Variants in RAPGEF2 observed in about 807,000 individuals in gnomAD.
RAPGEF2 encodes Rap guanine nucleotide exchange factor 2.
RAPGEF2 carries 54 observed loss-of-function variants against 186.7 expected under a neutral mutation model. The observed-to-expected ratio is 0.29, with a 90% confidence interval of 0.23 to 0.36. RAPGEF2 has a LOEUF of 0.36. Among genes scored for constraint, RAPGEF2 ranks in the 10% least tolerant of loss-of-function variants. The pLI, the probability that RAPGEF2 is intolerant of heterozygous loss-of-function variation, is 1.00. For synonymous variants in RAPGEF2, 712 were observed against 705.9 expected (o/e 1.01, Z -0.14); for missense variants, 1,532 against 2,045.0 (o/e 0.75, Z 4.84).
chr4:159,338,253 G>A (rs959886904), intron 17 of RAPGEF2, 58 bp from the exon 18 acceptor site: 1 of 1,483,954 alleles, frequency 6.7e-7, no homozygotes, highest in Non-Finnish European at 9.2e-7. Context: ...TTATTATATA[G>A]TGATGATGTA....
intron 4 of RAPGEF2, among the ~76,000 whole-genome samples, chr4:159,215,865 G>A (rs537968262): frequency 6.6e-6 from 1 of 152,244 alleles, no homozygotes; most frequent in African/African-American, 2.4e-5. Flanking sequence ...GCTGGAAACC[G>A]GAGAGATTAG....
At chr4:159,231,056 T>C (rs1408368296) in intron 4 of RAPGEF2, among the ~76,000 whole-genome samples, 1 of 152,138 alleles carries the variant, frequency 6.6e-6, no homozygotes, top group East Asian at 1.9e-4. Context: ...ACATATACAG[T>C]GGTCATCCCA....
intron 7 of RAPGEF2, among the ~76,000 whole-genome samples, chr4:159,294,663 C>T (rs867918708): frequency 6.6e-6 from 1 of 150,416 alleles, no homozygotes; most frequent in African/African-American, 2.5e-5. Flanking sequence ...TCCTTCCTTC[C>T]TTCCTTCCTT....
intron 8 of RAPGEF2, among the ~76,000 whole-genome samples, chr4:159,307,008 T>A (rs1579865643): frequency 6.6e-6 from 1 of 152,304 alleles, no homozygotes; most frequent in East Asian, 1.9e-4. Context: ...AATGTGCAAA[T>A]TTAGGAAAAG....
At chr4:159,332,389 T>C in intron 16 of RAPGEF2, 62 bp from the exon 17 acceptor site, 1 of 1,516,216 alleles carries the variant, frequency 6.6e-7, no homozygotes, top group African/African-American at 1.4e-5. Flanking sequence ...ACAATTGCCT[T>C]AGAATTGTTC....
intron 7 of RAPGEF2, among the ~76,000 whole-genome samples, chr4:159,288,175 T>C (rs1004324946): frequency 2.4e-4 from 36 of 152,184 alleles, no homozygotes; most frequent in African/African-American, 8.4e-4. Flanking sequence ...TGCTAATTCC[T>C]GGTGATGTTA....
rs979289949 is a variant in RAPGEF2, at chr4:159,262,854, G to A, written c.543+19063G>A. The stretch of plus-strand genomic sequence containing the variant: ...TTTTTTTTTAACATTTCCTTGGAAC[G>A]TATCTGTGGAGTAAATCATGGTGAT... On this transcript the variant is annotated intron_variant, in intron 7 of 29. Coordinates refer to ENST00000691494, the MANE Select transcript of RAPGEF2 (RefSeq NM_001394067.2). Among the ~76,000 whole-genome samples, 5 of 151,788 alleles carry A rather than the reference G, an allele frequency of 3.3e-5. No individual in the cohort carries two copies. The East Asian group carries it at 9.7e-4, about 29-fold the overall frequency.
rs766004477 is a variant in RAPGEF2, at chr4:159,359,238, T to TTA, written c.*1102_*1103dup. Reference sequence around the variant, plus strand: ...GGATGTTGGAGCTAATGCCAGCTGTTTATACTGCTCTTTCAAGACAGCCTC... The same window carrying TTA: ...GGATGTTGGAGCTAATGCCAGCTGTTTATATACTGCTCTTTCAAGACAGCCTC... On this transcript the variant is annotated 3_prime_UTR_variant, in exon 30 of 30. Transcript: ENST00000691494. The TTA allele has an allele frequency of 5.9e-5, 9 of 152,204 alleles. No individual in the cohort carries two copies. Among genetic ancestry groups the TTA allele is most frequent in the Non-Finnish European group, 1.0e-4 (7 of 68,032 alleles). The allele number at this position is 152,204 out of a possible 1,614,324, so 9.4% of individuals were successfully genotyped here. A position where few individuals can be genotyped will look rare whatever the true frequency, so the allele number is the denominator to read the frequency against.
intron 17 of RAPGEF2, chr4:159,332,988 AT>A (rs1156316122): frequency 6.1e-6 from 1 of 163,610 alleles, no homozygotes; most frequent in Non-Finnish European, 1.3e-5. Flanking sequence ...TTATTTATTT[AT>A]TTATTTTGAG....
chr4:159,218,904 T>A (rs1280601973), intron 4 of RAPGEF2, among the ~76,000 whole-genome samples: 1 of 152,182 alleles, frequency 6.6e-6, no homozygotes, highest in East Asian at 1.9e-4. Context: ...TGCAACTCAT[T>A]ATCATGTTAT....
intron 7 of RAPGEF2, among the ~76,000 whole-genome samples, chr4:159,261,640 T>C (rs943170464): frequency 1.3e-5 from 2 of 152,256 alleles, no homozygotes; most frequent in Admixed American, 6.5e-5. Flanking sequence ...CTAAACCAGT[T>C]ACTGCTTGCT....
intron 1 of RAPGEF2, among the ~76,000 whole-genome samples, chr4:159,108,721 C>T (rs956369401): frequency 6.6e-6 from 1 of 151,866 alleles, no homozygotes; most frequent in South Asian, 2.1e-4. Context: ...GATGGTATGG[C>T]GATAGACAAT....
At chr4:159,272,862 T>C (rs1758290542) in intron 7 of RAPGEF2, among the ~76,000 whole-genome samples, 2 of 152,226 alleles carry the variant, frequency 1.3e-5, no homozygotes, top group Non-Finnish European at 2.9e-5. Flanking sequence ...ATTTTGAAGA[T>C]GCAGCAAAGG....
chr4:159,124,361 A>C (rs1740047724), intron 1 of RAPGEF2, among the ~76,000 whole-genome samples: 1 of 151,608 alleles, frequency 6.6e-6, no homozygotes, highest in Non-Finnish European at 1.5e-5. Context: ...CCAACATGTG[A>C]AACCCCGTCT....
In RAPGEF2 at chr4:159,304,369, C is replaced by T; in HGVS notation, c.571C>T (p.Leu191Phe). 1 of 1,605,648 alleles carries T rather than the reference C, an allele frequency of 6.2e-7. No homozygotes were observed. Among genetic ancestry groups the T allele is most frequent in the South Asian group, 1.1e-5 (1 of 90,572 alleles). Residue 191 changes from leucine (L) to phenylalanine (F), a missense_variant, in exon 8 of 30, where the codon CTT becomes TTT. Around this residue, in one of 4 missense-constraint regions of RAPGEF2, gnomAD observed 810 missense variants for 1,210.5 expected, o/e 0.67. Coordinates refer to ENST00000691494, the MANE Select transcript of RAPGEF2 (RefSeq NM_001394067.2). ...QLPADFTKLH[L>F]TDSLHPQVTH... ...TCCTGCAGATTTCACAAAACTGCAT[C>T]TTACTGACAGTCTCCACCCACAGGT...
In RAPGEF2 at chr4:159,339,374, C is replaced by T; in HGVS notation, c.2534+20C>T. On this transcript the variant is annotated intron_variant, in intron 19 of 29. Transcript: ENST00000691494. ...TGGAAGGTATATATTATCTACCTTA[C>T]TGGATTTCTTTGTCCCCTCTTCGAA... 6.3e-7 allele frequency: 1 copy of T among 1,599,962 alleles called. No individual in the cohort carries two copies. The highest frequency in any genetic ancestry group is 8.5e-7 in the Non-Finnish European group (1 of 1,170,220).
At chr4:159,308,728 C>A (rs918282826) in intron 8 of RAPGEF2, among the ~76,000 whole-genome samples, 5 of 152,078 alleles carry the variant, frequency 3.3e-5, no homozygotes, top group African/African-American at 1.2e-4. Context: ...TGAGTGAATT[C>A]TTAGTCATTC....
At chr4:159,142,740 A>G (rs1024833637) in intron 1 of RAPGEF2, among the ~76,000 whole-genome samples, 3 of 152,180 alleles carry the variant, frequency 2.0e-5, no homozygotes, top group Non-Finnish European at 4.4e-5. Flanking sequence ...TCTCTCTTAT[A>G]AATAGTATGA....
intron 7 of RAPGEF2, among the ~76,000 whole-genome samples, chr4:159,284,011 T>A (rs916597066): frequency 6.6e-6 from 1 of 152,174 alleles, no homozygotes; most frequent in Non-Finnish European, 1.5e-5. Flanking sequence ...AATTCTTACA[T>A]GCTAAATGTA....
Sources: gnomAD v4.1 joint callset for allele counts (sites outside exome capture counted in the v4.1 genomes callset) on GRCh38, gnomAD v4.1.1 for gene constraint, gnomAD v4.1.1 regional missense constraint, MANE v1.5 for transcripts, NCBI Gene and HGNC (gene_info 2026-07-23, HGNC 2026-07-21) for gene names.